DAGLB: variants seen among roughly 807,000 people sequenced by gnomAD.
DAGLB encodes the protein diacylglycerol lipase beta, also known as diacylglycerol lipase-beta.
In DAGLB, 66 loss-of-function variants were observed where a neutral mutation model predicts 72.1. The observed-to-expected ratio is 0.92, with a 90% CI of 0.75 to 1.12. The LOEUF (loss-of-function observed/expected upper bound fraction) is 1.12, where lower values mean the gene tolerates loss of function less well. Ranked by LOEUF, DAGLB falls within the 50% of genes most tolerant of loss-of-function variation. DAGLB has a pLI of 0.00. For missense variants in DAGLB, 1,065 were observed against 884.9 expected (o/e 1.20, Z -2.58); for synonymous variants, 414 against 359.5 (o/e 1.15, Z -1.71).
chr7:6,422,902 T>G (rs1001897368), intron 8 of DAGLB: 4 of 152,222 alleles, frequency 2.6e-5, no homozygotes, highest in African/African-American at 9.7e-5. Context: ...AAAAGAACAT[T>G]TAAAGATAAA....
chr7:6,426,302 C>T (rs1368749985), intron 6 of DAGLB, among the ~76,000 whole-genome samples, 188 bp from the exon 7 acceptor site: 3 of 152,212 alleles, frequency 2.0e-5, no homozygotes, highest in Non-Finnish European at 4.4e-5. Flanking sequence ...TGGAGCCTCA[C>T]TCTGTCACCC....
At chr7:6,416,060 G>C (rs944805998) in intron 11 of DAGLB, among the ~76,000 whole-genome samples, 1 of 152,044 alleles carries the variant, frequency 6.6e-6, no homozygotes, top group Non-Finnish European at 1.5e-5. Context: ...GTGCTTGCTT[G>C]TGGGGAGGGA....
rs772874014 is a variant in DAGLB at position 6,424,779 on chromosome 7, G to A, written c.1113C>T (p.Val371=). ...ALDHRKESVV[V]AVRGTMSLQD... ...GCAGAGACATGGTCCCCCTCACAGC[G>A]ACCACAACAGACTCTTTCCTGTGAT... The change falls in exon 8 of 15, where the codon GTC becomes GTT. Residue 371 remains valine, a synonymous_variant. Coordinates refer to ENST00000297056, the MANE Select transcript of DAGLB (RefSeq NM_139179.4). The A allele has an allele frequency of 2.7e-5, 44 of 1,613,706 alleles. 1 individual carries two copies. Among genetic ancestry groups the A allele is most frequent in the Non-Finnish European group, 3.4e-5 (40 of 1,179,858 alleles).
chr7:6,431,856 A>C (rs1333659940), intron 5 of DAGLB, among the ~76,000 whole-genome samples: 2 of 152,180 alleles, frequency 1.3e-5, no homozygotes, highest in Non-Finnish European at 2.9e-5. Flanking sequence ...GATAACGAAG[A>C]TGCCTCACCT....
intron 2 of DAGLB, among the ~76,000 whole-genome samples, chr7:6,444,134 T>C (rs1468565024): frequency 3.3e-5 from 5 of 151,804 alleles, no homozygotes; most frequent in African/African-American, 7.3e-5. Context: ...ATTAGCCAGG[T>C]ATGGTGGCAC....
In DAGLB at chr7:6,422,212, C is replaced by G. The variant is rs1356988366; in HGVS notation, c.1141-408G>C. 6 of 342,334 alleles carry G rather than the reference C, an allele frequency of 1.8e-5. No individual in the cohort carries two copies. In the East Asian group the frequency reaches 4.6e-4, roughly 26 times the overall value. 21.2% of individuals were successfully genotyped at this position (342,334 alleles called of 1,614,324 possible). On this transcript the variant is annotated intron_variant, in intron 8 of 14. Coordinates refer to ENST00000297056, the MANE Select transcript of DAGLB (RefSeq NM_139179.4). ...CCTAGACTAGCACCACAGCAAGGGC[C>G]AGGCAGTGCCGAGTCAGAGGATGGG...
intron 5 of DAGLB, 109 bp from the exon 6 acceptor site, chr7:6,430,716 C>G (rs1235236733): frequency 8.1e-7 from 1 of 1,235,578 alleles, no homozygotes; most frequent in African/African-American, 1.5e-5. Context: ...CCTGCTCCTT[C>G]GTTGAATAGA....
intron 2 of DAGLB, among the ~76,000 whole-genome samples, chr7:6,444,565 G>T (rs1251824327): frequency 6.6e-6 from 1 of 152,166 alleles, no homozygotes; most frequent in Non-Finnish European, 1.5e-5. Flanking sequence ...GCACGCCACT[G>T]CACTCCAGCC....
chr7:6,425,296 G>A (rs1784270136), intron 7 of DAGLB, among the ~76,000 whole-genome samples: 1 of 151,910 alleles, frequency 6.6e-6, no homozygotes, highest in African/African-American at 2.4e-5. Flanking sequence ...TTTTGAGATG[G>A]CATCTTGCTC....
intron 4 of DAGLB, 121 bp from the exon 5 acceptor site, chr7:6,433,080 G>C (rs561012687): frequency 1.4e-6 from 2 of 1,412,078 alleles, no homozygotes; most frequent in East Asian, 5.1e-5. Context: ...TCTAGACACA[G>C]AGGTATGTTA....
rs1258542895 is a variant in DAGLB at position 6,416,844 on chromosome 7, A to G, written c.1296T>C (p.Ala432=). The G allele has an allele frequency of 6.2e-7, 1 of 1,614,236 alleles. No individual in the cohort carries two copies. The highest frequency in any genetic ancestry group is 8.5e-7 in the Non-Finnish European group (1 of 1,180,040). ...DGILSQAFSI[A]PEYRLVIVGH... is the part of the protein sequence containing the mutation. Reference sequence around the variant, plus strand: ...GAAACGTTAACTAAGATCTCACAGGAGCAATGCTGAAGGCTTGGCTCAAAA... The same window carrying G: ...GAAACGTTAACTAAGATCTCACAGGGGCAATGCTGAAGGCTTGGCTCAAAA... Residue 432 remains alanine (A), a synonymous_variant, in exon 10 of 15, where the codon GCT becomes GCC. Transcript: ENST00000297056.
At chr7:6,411,301 G>C (rs1055951705) in intron 13 of DAGLB, among the ~76,000 whole-genome samples, 16 of 151,840 alleles carry the variant, frequency 1.1e-4, no homozygotes, top group African/African-American at 3.6e-4. Flanking sequence ...GAGCCACCGG[G>C]CCCGCCCTAG....
At chr7:6,430,419 C>A in intron 6 of DAGLB, 61 bp downstream of exon 6, 2 of 1,413,488 alleles carry the variant, frequency 1.4e-6, no homozygotes, top group South Asian at 1.8e-5. Context: ...TGAAATATCT[C>A]AAAATAGCTT....
At chr7:6,441,004 T>C (rs1350821082) in intron 2 of DAGLB, among the ~76,000 whole-genome samples, 2 of 152,118 alleles carry the variant, frequency 1.3e-5, no homozygotes, top group African/African-American at 4.8e-5. Context: ...CTTGTGAAAG[T>C]GCTGGGGTTA....
intron 9 of DAGLB, 60 bp from the exon 10 acceptor site, chr7:6,416,981 A>C (rs1783939630): frequency 6.3e-7 from 1 of 1,579,946 alleles, no homozygotes; most frequent in Non-Finnish European, 8.7e-7. Context: ...CCCAGCAGAG[A>C]CTCAAAGATG....
At chr7:6,433,159 C>A (rs1037539117) in intron 4 of DAGLB, among the ~76,000 whole-genome samples, 200 bp from the exon 5 acceptor site, 1 of 152,214 alleles carries the variant, frequency 6.6e-6, no homozygotes, top group Non-Finnish European at 1.5e-5. Flanking sequence ...TGCCCTCAGA[C>A]AAGTCCACTG....
intron 9 of DAGLB, among the ~76,000 whole-genome samples, chr7:6,420,138 C>T (rs948893762): frequency 6.6e-5 from 10 of 151,858 alleles, no homozygotes; most frequent in Admixed American, 6.6e-4. Flanking sequence ...CAGAACAAGA[C>T]CCTGTCTCAG....
Position 6,419,604 on chromosome 7 carries a change from T to G in DAGLB, c.1218+2123A>C, listed in dbSNP as rs571263688. Among the ~76,000 whole-genome samples, 5 of 152,212 alleles carry G rather than the reference T, an allele frequency of 3.3e-5. No individual in the cohort carries two copies. The South Asian group carries it at 1.0e-3, about 32-fold the overall frequency. ...CAGGACAGGCCCTGAGCGGCAGCCT[T>G]CCCGACCCAAGGGATGAACTGTCAC... On this transcript the variant is annotated intron_variant, in intron 9 of 14. Transcript: ENST00000297056.
intron 8 of DAGLB, 73 bp downstream of exon 8, chr7:6,424,679 C>T: frequency 1.4e-6 from 2 of 1,442,776 alleles, no homozygotes; most frequent in South Asian, 1.1e-5. Context: ...TGACGGATTT[C>T]CCCAGCCGAG....
Sources: gnomAD v4.1 joint callset for allele counts (sites outside exome capture counted in the v4.1 genomes callset) on GRCh38, gnomAD v4.1.1 for gene constraint, MANE v1.5 for transcripts, NCBI Gene and HGNC (gene_info 2026-07-23, HGNC 2026-07-21) for gene names.